The following SUMF1 variants were observed in gnomAD, a reference collection of about 807,000 sequenced individuals.
The protein encoded by SUMF1 is sulfatase modifying factor 1, also known as formylglycine-generating enzyme.
In SUMF1, 48 loss-of-function variants were observed where a neutral mutation model predicts 47.6. The observed-to-expected ratio is 1.01, with a 90% confidence interval of 0.80 to 1.28. The LOEUF is 1.28. SUMF1 is among the 50% of genes most tolerant of loss of function. SUMF1 has a pLI of 0.00. For synonymous variants in SUMF1, 230 were observed against 192.1 expected (o/e 1.20, Z -1.63); for missense variants, 571 against 485.4 (o/e 1.18, Z -1.66).
At chr3:4,143,076 C>T (rs1010497805) in intron 8 of SUMF1, among the ~76,000 whole-genome samples, 2 of 152,056 alleles carry the variant, frequency 1.3e-5, no homozygotes, top group African/African-American at 4.8e-5. Flanking sequence ...CCCTGAGCCT[C>T]GATCGGCTAT....
intron 8 of SUMF1, among the ~76,000 whole-genome samples, chr3:4,103,057 G>C (rs1456875075): frequency 2.6e-5 from 4 of 151,560 alleles, no homozygotes; most frequent in Admixed American, 2.0e-4. Context: ...TGAGTAGCTG[G>C]GATTACAGGT....
intron 8 of SUMF1, among the ~76,000 whole-genome samples, chr3:4,333,361 C>A (rs1303586988): frequency 6.6e-6 from 1 of 152,186 alleles, no homozygotes; most frequent in Non-Finnish European, 1.5e-5. Context: ...ACAGGCATGC[C>A]ACATCCATGT....
At chr3:4,406,896 T>C (rs897232044) in intron 7 of SUMF1, among the ~76,000 whole-genome samples, 1 of 152,184 alleles carries the variant, frequency 6.6e-6, no homozygotes, top group African/African-American at 2.4e-5. Flanking sequence ...AAGCACTACA[T>C]AGCACCACAG....
chr3:4,401,474 C>T (rs1226227772), intron 7 of SUMF1, among the ~76,000 whole-genome samples: 1 of 152,122 alleles, frequency 6.6e-6, no homozygotes, highest in African/African-American at 2.4e-5. Flanking sequence ...CTGTCAGCTG[C>T]AGCCTCCATC....
At chr3:4,303,821 A>G (rs943756923) in intron 8 of SUMF1, 14 of 1,371,976 alleles carry the variant, frequency 1.0e-5, no homozygotes, top group African/African-American at 1.5e-5. Flanking sequence ...TCAAGGAGGC[A>G]TCACGGGGGG....
chr3:4,299,350 G>A (rs1164538265), intron 8 of SUMF1, among the ~76,000 whole-genome samples: 2 of 152,210 alleles, frequency 1.3e-5, no homozygotes, highest in Non-Finnish European at 2.9e-5. Flanking sequence ...CTCTCTGCTG[G>A]TAGGCTTTGG....
intron 8 of SUMF1, among the ~76,000 whole-genome samples, chr3:4,120,396 C>G (rs1040020848): frequency 1.3e-5 from 2 of 152,144 alleles, no homozygotes; most frequent in African/African-American, 2.4e-5. Context: ...GTTTCTATAA[C>G]TTGGTGAAGG....
At chr3:4,107,678 T>A (rs1347467901) in intron 8 of SUMF1, among the ~76,000 whole-genome samples, 18 of 152,048 alleles carry the variant, frequency 1.2e-4, no homozygotes, top group Non-Finnish European at 1.6e-4. Flanking sequence ...CAGGGCCTAG[T>A]GTGGCAACTC....
chr3:4,329,620 C>T (rs769095320), intron 8 of SUMF1, among the ~76,000 whole-genome samples: 1 of 152,224 alleles, frequency 6.6e-6, no homozygotes, highest in Non-Finnish European at 1.5e-5. Context: ...CCCTCCTATG[C>T]CTCCAGGTTT....
chr3:4,285,014 A>G (rs1697604546), intron 8 of SUMF1, among the ~76,000 whole-genome samples: 1 of 152,144 alleles, frequency 6.6e-6, no homozygotes, highest in Non-Finnish European at 1.5e-5. Context: ...TTCGTCTCAC[A>G]AGTAAGATGA....
intron 9 of SUMF1, among the ~76,000 whole-genome samples, chr3:4,054,341 CA>C (rs1411794762): frequency 2.6e-5 from 4 of 152,112 alleles, no homozygotes; most frequent in Admixed American, 2.6e-4. Flanking sequence ...TTTGAAATGT[CA>C]GCACTAGGTC....
chr3:4,206,410 C>T (rs75439228), intron 8 of SUMF1, among the ~76,000 whole-genome samples: 1 of 152,074 alleles, frequency 6.6e-6, no homozygotes, highest in Non-Finnish European at 1.5e-5. Context: ...TGGACCATTC[C>T]CCTCCAGTGA....
intron 8 of SUMF1, among the ~76,000 whole-genome samples, chr3:4,265,380 T>C (rs1247953232): frequency 2.6e-5 from 4 of 152,162 alleles, no homozygotes; most frequent in African/African-American, 9.7e-5. Flanking sequence ...TTTACAACAG[T>C]AATTTCAAGT....
At chr3:4,095,122 C>T (rs1014255321) in intron 8 of SUMF1, among the ~76,000 whole-genome samples, 3 of 152,052 alleles carry the variant, frequency 2.0e-5, no homozygotes, top group African/African-American at 7.3e-5. Context: ...ATAGATCTCT[C>T]TAAATTACAA....
chr3:4,051,837 T>C (rs1695116757), intron 9 of SUMF1, among the ~76,000 whole-genome samples: 1 of 152,186 alleles, frequency 6.6e-6, no homozygotes, highest in South Asian at 2.1e-4. Flanking sequence ...CAGTTTGCTT[T>C]TCTTCCTTCT....
At chr3:4,242,283 A>T (rs1696555327) in intron 8 of SUMF1, among the ~76,000 whole-genome samples, 1 of 152,104 alleles carries the variant, frequency 6.6e-6, no homozygotes, top group Non-Finnish European at 1.5e-5. Context: ...CTCTTGCCTG[A>T]TTGCCCTGGT....
At chr3:4,368,249 C>T (rs112967409) in intron 8 of SUMF1, among the ~76,000 whole-genome samples, 3,888 of 152,280 alleles carry the variant, frequency 0.026, 141 homozygotes, top group African/African-American at 0.086. Flanking sequence ...CTCACCATCA[C>T]TGGCCATCAG....
At chr3:4,146,907 G>A (rs1026113341) in intron 8 of SUMF1, among the ~76,000 whole-genome samples, 2 of 152,092 alleles carry the variant, frequency 1.3e-5, no homozygotes, top group Non-Finnish European at 2.9e-5. Context: ...TGGTGTATAT[G>A]TGCCACATTT....
intron 8 of SUMF1, among the ~76,000 whole-genome samples, chr3:4,333,814 C>G (rs1425714966): frequency 7.2e-6 from 1 of 139,636 alleles, no homozygotes; most frequent in Non-Finnish European, 1.5e-5. Context: ...AGATACTAAG[C>G]ACATAATTTT....
Sources: allele counts gnomAD v4.1 joint callset (sites outside exome capture counted in the v4.1 genomes callset), GRCh38; gene constraint gnomAD v4.1.1; transcripts MANE v1.5; gene names NCBI Gene and HGNC (gene_info 2026-07-23, HGNC 2026-07-21).